The following CAPZB variants were observed in gnomAD, a reference collection of about 807,000 sequenced individuals.
CAPZB encodes the protein F-actin-capping protein subunit beta.
A neutral mutation model predicts 38.1 loss-of-function variants in CAPZB; 2 were observed. That is an observed-to-expected ratio of 0.05 (90% CI 0.02 to 0.17). CAPZB has a LOEUF of 0.17. Among genes scored for constraint, CAPZB ranks in the 10% least tolerant of loss-of-function variants. The probability of loss-of-function intolerance (pLI) is 1.00; values close to 1 mark genes in which losing one functional copy is unlikely to be tolerated. For synonymous variants in CAPZB, 107 were observed against 127.4 expected (o/e 0.84, Z 1.08); for missense variants, 161 against 334.2 (o/e 0.48, Z 4.04).
chr1:19,411,334 T>G (rs1570179432), intron 2 of CAPZB, among the ~76,000 whole-genome samples: 1 of 152,350 alleles, frequency 6.6e-6, no homozygotes, highest in Admixed American at 6.5e-5. Context: ...GTTTTGAAAT[T>G]TGTATTCTCT....
chr1:19,485,395 G>T, intron 1 of CAPZB, 41 bp downstream of exon 1: 1 of 1,220,002 alleles, frequency 8.2e-7, no homozygotes, highest in East Asian at 3.2e-5. Flanking sequence ...GCGAGCTCCG[G>T]AGGGGCCCCC....
chr1:19,466,948 C>A (rs2094571066), intron 1 of CAPZB, among the ~76,000 whole-genome samples: 1 of 152,080 alleles, frequency 6.6e-6, no homozygotes, highest in Non-Finnish European at 1.5e-5. Context: ...GTCACCCAGG[C>A]TGGAATGCAG....
At chr1:19,362,273 G>C (rs575224808) in intron 4 of CAPZB, among the ~76,000 whole-genome samples, 1 of 152,272 alleles carries the variant, frequency 6.6e-6, no homozygotes, top group Admixed American at 6.5e-5. Flanking sequence ...GTCTCGCTCT[G>C]TCGCCCAGGC....
intron 1 of CAPZB, among the ~76,000 whole-genome samples, chr1:19,448,677 C>G (rs2094504243): frequency 1.3e-5 from 2 of 152,208 alleles, no homozygotes; most frequent in African/African-American, 4.8e-5. Flanking sequence ...AAAGTTGTCA[C>G]CTAGCCAACA....
chr1:19,426,633 T>C (rs12566399), intron 1 of CAPZB, among the ~76,000 whole-genome samples: 114,972 of 152,014 alleles, frequency 0.76, 43,715 homozygotes, highest in East Asian at 0.85. Flanking sequence ...GCAGAAGACT[T>C]CCTGAGACTC....
chr1:19,343,033 C>T (rs574633732), intron 8 of CAPZB, among the ~76,000 whole-genome samples: 7 of 152,260 alleles, frequency 4.6e-5, no homozygotes, highest in Admixed American at 2.6e-4. Flanking sequence ...CAGAGGTCCA[C>T]GCTGGCGGTG....
chr1:19,390,807 G>A (rs2094229826), intron 2 of CAPZB, among the ~76,000 whole-genome samples: 2 of 152,198 alleles, frequency 1.3e-5, no homozygotes, highest in South Asian at 4.1e-4. Flanking sequence ...ATAATAATCC[G>A]TGGAAGGACC....
intron 1 of CAPZB, among the ~76,000 whole-genome samples, chr1:19,436,356 G>C (rs1240749593): frequency 1.3e-5 from 2 of 152,170 alleles, no homozygotes; most frequent in Middle Eastern, 3.2e-3. Flanking sequence ...GTGTCACAGT[G>C]CTTGCGTTCA....
chr1:19,449,087 A>G, intron 1 of CAPZB: 1 of 1,435,296 alleles, frequency 7.0e-7, no homozygotes, highest in Non-Finnish European at 9.2e-7. Flanking sequence ...GATGGTTTTC[A>G]TTTGCAGATG....
intron 3 of CAPZB, among the ~76,000 whole-genome samples, chr1:19,381,177 A>G (rs1233314121): frequency 6.6e-6 from 1 of 151,344 alleles, no homozygotes; most frequent in Non-Finnish European, 1.5e-5. Flanking sequence ...TCGGGGAAAC[A>G]AACAAAAAAA....
chr1:19,468,184 G>A (rs2094574742), intron 1 of CAPZB, among the ~76,000 whole-genome samples: 1 of 152,202 alleles, frequency 6.6e-6, no homozygotes, highest in South Asian at 2.1e-4. Flanking sequence ...ATATTGAAAG[G>A]TTAACAGTGC....
chr1:19,463,485 G>A (rs1262661313), intron 1 of CAPZB, among the ~76,000 whole-genome samples: 1 of 152,144 alleles, frequency 6.6e-6, no homozygotes, highest in Non-Finnish European at 1.5e-5. Flanking sequence ...TTAAATTTTG[G>A]CATCAGAATA....
intron 1 of CAPZB, chr1:19,419,991 G>C (rs1402106566): frequency 1.2e-5 from 6 of 485,678 alleles, no homozygotes; most frequent in African/African-American, 1.2e-4. Flanking sequence ...GAAAGAAGTG[G>C]AAGCAGGCTG....
rs554439923 is a variant in CAPZB at position 19,348,228 on chromosome 1, C to A, written c.589-2976G>T. 5.1e-4 allele frequency among the ~76,000 whole-genome samples: 78 copies of A among 151,888 alleles called. 1 individual carries two copies. Among genetic ancestry groups the A allele is most frequent in the Non-Finnish European group, 5.9e-5 (4 of 67,960 alleles). The stretch of plus-strand genomic sequence containing the variant: ...TACCCTCTGTTCTGTCCTGGCCCAG[C>A]TACATCTGCAGGGCTGGATTCAGTT... On this transcript the variant is annotated intron_variant, in intron 6 of 8. Coordinates refer to ENST00000264202, the MANE Select transcript of CAPZB (RefSeq NM_004930.5).
At chr1:19,471,520 G>A (rs1220385777) in intron 1 of CAPZB, among the ~76,000 whole-genome samples, 1 of 152,098 alleles carries the variant, frequency 6.6e-6, no homozygotes, top group Non-Finnish European at 1.5e-5. Flanking sequence ...CACGTGATGG[G>A]AGGGCCCTTC....
intron 1 of CAPZB, among the ~76,000 whole-genome samples, chr1:19,479,331 A>G (rs949766076): frequency 1.3e-5 from 2 of 152,226 alleles, no homozygotes. Flanking sequence ...TGCTGTGTGC[A>G]TCAGGCTGAA....
intron 1 of CAPZB, among the ~76,000 whole-genome samples, chr1:19,471,587 G>A (rs977218843): frequency 1.7e-5 from 2 of 118,388 alleles, no homozygotes; most frequent in Non-Finnish European, 4.0e-5. Context: ...TTCCTCGGCT[G>A]GGCGCTGTGG....
At chr1:19,384,851 A>G (rs1008735671) in intron 3 of CAPZB, among the ~76,000 whole-genome samples, 1 of 152,212 alleles carries the variant, frequency 6.6e-6, no homozygotes, top group Non-Finnish European at 1.5e-5. Flanking sequence ...TCCTTCAGGA[A>G]GTCCTCCTGG....
chr1:19,352,277 T>C (rs764554148), intron 6 of CAPZB, among the ~76,000 whole-genome samples: 10 of 152,240 alleles, frequency 6.6e-5, no homozygotes, highest in Non-Finnish European at 1.3e-4. Context: ...GAAGATATAT[T>C]GGGGGTGTCT....
Sources: allele counts gnomAD v4.1 joint callset (sites outside exome capture counted in the v4.1 genomes callset), GRCh38; gene constraint gnomAD v4.1.1; transcripts MANE v1.5; gene names NCBI Gene and HGNC (gene_info 2026-07-23, HGNC 2026-07-21).